Variants in EPCIP observed in about 807,000 individuals in gnomAD.
EPCIP encodes exosomal polycystin 1 interacting protein.
At chr21:32,797,581 C>T in the EPCIP span, 2 of 153,352 alleles carry the variant, frequency 1.3e-5, no homozygotes, top group Non-Finnish European at 2.9e-5. Flanking sequence ...GGTTCTCTTT[C>T]ACTGGGGTAA....
At chr21:32,799,189 T>G in the EPCIP span, among the ~76,000 whole-genome samples, 1 of 152,002 alleles carries the variant, frequency 6.6e-6, no homozygotes, top group Non-Finnish European at 1.5e-5. Context: ...GTCAGAAAGG[T>G]GGGTGCCCAC....
the EPCIP span, among the ~76,000 whole-genome samples, chr21:32,808,848 G>A: frequency 2.0e-5 from 3 of 152,076 alleles, no homozygotes; most frequent in Non-Finnish European, 4.4e-5. Flanking sequence ...TGAAACTATT[G>A]CAAAATAAGA....
chr21:32,811,288 C>T, the EPCIP span, among the ~76,000 whole-genome samples: 12 of 152,096 alleles, frequency 7.9e-5, no homozygotes, highest in African/African-American at 2.4e-4. Context: ...TGCACCACCA[C>T]GCCCAGCTAA....
chr21:32,806,782 G>A, the EPCIP span, among the ~76,000 whole-genome samples: 1 of 152,204 alleles, frequency 6.6e-6, no homozygotes, highest in East Asian at 1.9e-4. Context: ...CTGCCTGGAT[G>A]CGGGGCTTCC....
the EPCIP span, among the ~76,000 whole-genome samples, chr21:32,809,294 T>TTCTTTCTTTCTTTC: frequency 9.3e-5 from 12 of 128,422 alleles, no homozygotes; most frequent in Middle Eastern, 3.7e-3. Flanking sequence ...CTTTCTTTCT[T>TTCTTTCTTTCTTTC]TCTTTCTTTC....
chr21:32,792,096 G>T, the EPCIP span, among the ~76,000 whole-genome samples: 1 of 151,966 alleles, frequency 6.6e-6, no homozygotes, highest in Non-Finnish European at 1.5e-5. Context: ...TAGAGACAGG[G>T]TTTCTCCATG....
chr21:32,802,858 T>G, the EPCIP span, among the ~76,000 whole-genome samples: 1 of 152,146 alleles, frequency 6.6e-6, no homozygotes, highest in Admixed American at 6.5e-5. Flanking sequence ...CTCGGCTCAC[T>G]GCAACCTCCC....
chr21:32,810,958 G>A, the EPCIP span, among the ~76,000 whole-genome samples: 16 of 152,292 alleles, frequency 1.1e-4, no homozygotes, highest in African/African-American at 3.8e-4. Context: ...TATAAAATGT[G>A]ATACATGTAT....
At chr21:32,792,260 A>G in the EPCIP span, among the ~76,000 whole-genome samples, 2 of 152,294 alleles carry the variant, frequency 1.3e-5, no homozygotes, top group East Asian at 1.9e-4. Context: ...AATTTTTTCA[A>G]AAGTATGTTG....
the EPCIP span, chr21:32,796,966 G>A: frequency 2.1e-6 from 1 of 470,346 alleles, no homozygotes; most frequent in Middle Eastern, 3.2e-4. Flanking sequence ...GGCAGCCGTG[G>A]AAGAGGAAAA....
At chr21:32,800,395 T>C in the EPCIP span, among the ~76,000 whole-genome samples, 1 of 152,264 alleles carries the variant, frequency 6.6e-6, no homozygotes, top group Non-Finnish European at 1.5e-5. Context: ...GTTCTTGAGA[T>C]TTCTTCAGCT....
the EPCIP span, chr21:32,790,831 T>C: frequency 6.6e-6 from 1 of 152,246 alleles, no homozygotes. Context: ...CCAGGCCAGA[T>C]GGCTACCATT....
At chr21:32,805,039 AT>A in the EPCIP span, among the ~76,000 whole-genome samples, 8 of 152,210 alleles carry the variant, frequency 5.3e-5, no homozygotes, top group Admixed American at 2.6e-4. Flanking sequence ...TACAGATGCT[AT>A]TAAATTAAGA....
chr21:32,794,572 A>T, the EPCIP span: 1 of 734,892 alleles, frequency 1.4e-6, no homozygotes, highest in Admixed American at 2.9e-5. Context: ...AACAAGTTGT[A>T]AACATTTCTT....
the EPCIP span, among the ~76,000 whole-genome samples, chr21:32,793,118 C>A: frequency 2.0e-5 from 3 of 151,840 alleles, no homozygotes; most frequent in Non-Finnish European, 4.4e-5. Context: ...CCACCATGCC[C>A]GGCTAATTTT....
the EPCIP span, among the ~76,000 whole-genome samples, chr21:32,800,885 A>C: frequency 1.3e-5 from 2 of 152,126 alleles, no homozygotes; most frequent in African/African-American, 4.8e-5. Context: ...ATGTGTAGAC[A>C]TCCCCTGAGT....
At chr21:32,807,428 G>T in the EPCIP span, among the ~76,000 whole-genome samples, 3 of 148,884 alleles carry the variant, frequency 2.0e-5, no homozygotes, top group African/African-American at 7.4e-5. Context: ...CGCCTCCCGG[G>T]TTCAAGTGAT....
At chr21:32,810,140 T>A in the EPCIP span, among the ~76,000 whole-genome samples, 1 of 151,862 alleles carries the variant, frequency 6.6e-6, no homozygotes, top group East Asian at 1.9e-4. Context: ...TGCCTCCCCC[T>A]TCTTTTTGAG....
chr21:32,799,166 G>A, the EPCIP span, among the ~76,000 whole-genome samples: 22 of 152,064 alleles, frequency 1.4e-4, no homozygotes, highest in African/African-American at 4.1e-4. Context: ...ATCAGAAAAG[G>A]GCCAGGTAGG....
Sources: allele counts gnomAD v4.1 joint callset (sites outside exome capture counted in the v4.1 genomes callset), GRCh38; gene constraint gnomAD v4.1.1; transcripts MANE v1.5; gene names NCBI Gene and HGNC (gene_info 2026-07-23, HGNC 2026-07-21).